Variants in MOG observed in about 807,000 individuals in gnomAD.
The protein encoded by MOG is myelin-oligodendrocyte glycoprotein.
A neutral mutation model predicts 35.9 loss-of-function variants in MOG; 20 were observed. The observed-to-expected ratio is 0.56, with a 90% CI of 0.39 to 0.81. The LOEUF (loss-of-function observed/expected upper bound fraction) is 0.81. MOG is among the 30% of genes least tolerant of loss of function. MOG has a pLI of 0.00. For missense variants in MOG, 251 were observed against 301.0 expected, an observed-to-expected ratio of 0.83 and a Z score of 1.23; for synonymous variants, 92 against 114.3, an observed-to-expected ratio of 0.80 and a Z score of 1.25.
intron 2 of MOG, among the ~76,000 whole-genome samples, chr6:29,664,457 T>C (rs1660401685): frequency 6.6e-6 from 1 of 152,194 alleles, no homozygotes; most frequent in Non-Finnish European, 1.5e-5. Context: ...TCCACCCACC[T>C]TGGCCTCCCA....
Position 29,670,615 on chromosome 6 carries a change from G to C in MOG, c.710-86G>C. ...ATCCCCCAGTGGAAAGGGCAGTGTGGGTCACTCCAAATGTCCATAGGGAGG... is the reference window on the plus strand; with the variant it reads ...ATCCCCCAGTGGAAAGGGCAGTGTGCGTCACTCCAAATGTCCATAGGGAGG... On this transcript the variant is annotated intron_variant, in intron 6 of 7. Coordinates refer to ENST00000376917, the MANE Select transcript of MOG (RefSeq NM_206809.4). The surrounding 1 kb of genome is among the most constrained non-coding windows in gnomAD (Gnocchi z 4.2). The C allele has an allele frequency of 6.3e-7, 1 of 1,591,006 alleles. No individual in the cohort carries two copies. Among genetic ancestry groups the C allele is most frequent in the South Asian group, 1.1e-5 (1 of 89,048 alleles).
chr6:29,667,954 G>C (rs1229997601), intron 5 of MOG, 30 bp downstream of exon 5: 2 of 1,611,854 alleles, frequency 1.2e-6, no homozygotes, highest in African/African-American at 2.7e-5. Flanking sequence ...GGCCCTCCCA[G>C]GTCAACTTGG....
chr6:29,661,375 C>A lies in MOG; in HGVS notation c.436+1709C>A, dbSNP rs1339811529. 3.0e-6 allele frequency: 3 copies of A among 985,204 alleles called. No individual in the cohort carries two copies. The African/African-American group carries it at 5.2e-5, about 17-fold the overall frequency. 61.0% of individuals were successfully genotyped at this position (985,204 alleles called of 1,614,324 possible). ...GCTTTATGTGTCTCAGAATGTTCTT[C>A]ATACAGCTGTTTTTATTGGGGAAAT... On this transcript the variant is annotated intron_variant, in intron 2 of 7. Transcript: ENST00000376917.
intron 5 of MOG, 85 bp downstream of exon 5, chr6:29,668,009 G>C: frequency 7.7e-7 from 1 of 1,303,964 alleles, no homozygotes; most frequent in South Asian, 1.2e-5. Flanking sequence ...AGGACCCCTG[G>C]CTCCTGGTTG....
chr6:29,659,308 GTCT>G lies in MOG; in HGVS notation c.89-9_89-7del. 1.9e-6 allele frequency: 3 copies of G among 1,612,764 alleles called. No individual in the cohort carries two copies. Among genetic ancestry groups the G allele is most frequent in the Non-Finnish European group, 2.5e-6 (3 of 1,179,868 alleles). Reference sequence around the variant, plus strand: ...TGACCTTAAATCTCTTCCTTTTGGTGTCTTGGACAGGGCAGTTCAGAGTGATAG... The same window carrying G: ...TGACCTTAAATCTCTTCCTTTTGGTGTGGACAGGGCAGTTCAGAGTGATAG... On this transcript the variant is annotated splice_polypyrimidine_tract_variant and splice_region_variant and intron_variant, in intron 1 of 7. Coordinates refer to ENST00000376917, the MANE Select transcript of MOG (RefSeq NM_206809.4).
At chr6:29,666,735 T>C (rs1264045863) in intron 3 of MOG, among the ~76,000 whole-genome samples, 3 of 152,198 alleles carry the variant, frequency 2.0e-5, no homozygotes, top group Non-Finnish European at 4.4e-5. Context: ...TGTTTCCTCT[T>C]TCTCCATTCA....
intron 2 of MOG, chr6:29,664,891 G>A: frequency 3.9e-6 from 1 of 258,058 alleles, no homozygotes. Context: ...GATTACAGGG[G>A]AGAGCCACCA....
Position 29,671,862 on chromosome 6 carries a change from A to G in MOG, c.*677A>G, listed in dbSNP as rs1583168907. 3 of 234,794 alleles carry G rather than the reference A, an allele frequency of 1.3e-5. No individual in the cohort carries two copies. The South Asian group carries it at 2.8e-4, about 22-fold the overall frequency. 14.5% of individuals were successfully genotyped at this position (234,794 alleles called of 1,614,324 possible). A position where few individuals can be genotyped will look rare whatever the true frequency, so the allele number is the denominator to read the frequency against. On this transcript the variant is annotated 3_prime_UTR_variant, in exon 8 of 8. Transcript: ENST00000376917. The stretch of plus-strand genomic sequence containing the variant: ...TTTTCCTTCTACTTACACATCTTCC[A>G]CAGGTCTCAGAATCTTTCCTTCCTC...
intron 5 of MOG, among the ~76,000 whole-genome samples, chr6:29,669,920 G>A (rs1283125865): frequency 3.9e-5 from 6 of 151,946 alleles, no homozygotes; most frequent in African/African-American, 1.5e-4. Context: ...ACAGGCATGT[G>A]CCACCACGCC....
chr6:29,669,724 A>G (rs1771041232), intron 5 of MOG, among the ~76,000 whole-genome samples: 1 of 152,206 alleles, frequency 6.6e-6, no homozygotes, highest in Non-Finnish European at 1.5e-5. Context: ...TATTGTGGTT[A>G]GTTGTAAAAT....
At position 29,659,678 on chromosome 6, in the gene MOG, C is replaced by CA; in HGVS notation, c.436+13dup. The CA allele has an allele frequency of 1.2e-6, 2 of 1,603,106 alleles. No homozygotes were observed. Among genetic ancestry groups the CA allele is most frequent in the Non-Finnish European group, 1.7e-6 (2 of 1,171,504 alleles). ...ATTGAAAGTAGAAGGTGAGTAGTGC[C>CA]ATATAATATTAGGTATTAACTGTTG... On this transcript the variant is annotated intron_variant, in intron 2 of 7. Transcript: ENST00000376917.
intron 1 of MOG, among the ~76,000 whole-genome samples, chr6:29,659,044 G>A (rs868039575): frequency 2.0e-5 from 3 of 151,966 alleles, no homozygotes; most frequent in Admixed American, 1.3e-4. Flanking sequence ...CCTGGGAGGC[G>A]GAGGTTGCAG....
chr6:29,664,248 C>A (rs1299557610), intron 2 of MOG, among the ~76,000 whole-genome samples: 1 of 149,362 alleles, frequency 6.7e-6, no homozygotes, highest in African/African-American at 2.5e-5. Flanking sequence ...GCTCTTGTTA[C>A]CCAGGCTGGA....
At position 29,662,921 on chromosome 6, in the gene MOG, C is replaced by T. The variant is rs1769176678; in HGVS notation, c.437-3231C>T. ...CAAGCAATCCTCCCACCTCGGCCTCCCAAAGTGCTAGAATTACAGGCGCGA... is the reference window on the plus strand; with the variant it reads ...CAAGCAATCCTCCCACCTCGGCCTCTCAAAGTGCTAGAATTACAGGCGCGA... On this transcript the variant is annotated intron_variant, in intron 2 of 7. Transcript: ENST00000376917. This position sits in a 1 kb window ranked among gnomAD's most constrained non-coding sequence, Gnocchi z 4.2. 6.6e-6 allele frequency among the ~76,000 whole-genome samples: 1 copy of T among 152,098 alleles called. No individual in the cohort carries two copies. The highest frequency in any genetic ancestry group is 1.5e-5 in the Non-Finnish European group (1 of 68,016).
In MOG at chr6:29,662,475, C is replaced by T. The variant is rs1479539396; in HGVS notation, c.436+2809C>T. ...TCCAGCCTGGGCAACAAGAGCAAAA[C>T]TCTGTCTCAAAAAAAAAAAACCACA... On this transcript the variant is annotated intron_variant, in intron 2 of 7. Coordinates refer to ENST00000376917, the MANE Select transcript of MOG (RefSeq NM_206809.4). This position sits in a 1 kb window ranked among gnomAD's most constrained non-coding sequence, Gnocchi z 4.2. Among the ~76,000 whole-genome samples, 1 of 144,640 alleles carries T rather than the reference C, an allele frequency of 6.9e-6. No individual in the cohort carries two copies. Among genetic ancestry groups the T allele is most frequent in the Non-Finnish European group, 1.5e-5 (1 of 66,488 alleles). The allele number at this position is 144,640 out of a possible 152,430, so 94.9% of individuals were successfully genotyped here.
At chr6:29,658,974 C>T (rs929132784) in intron 1 of MOG, among the ~76,000 whole-genome samples, 6 of 151,774 alleles carry the variant, frequency 4.0e-5, no homozygotes, top group Admixed American at 6.6e-5. Context: ...TAGCTGGATG[C>T]GGCGGTAGGT....
chr6:29,670,214 A>C lies in MOG; in HGVS notation c.593-67A>C. 1 of 1,614,240 alleles carries C rather than the reference A, an allele frequency of 6.2e-7. No homozygotes were observed. The highest frequency in any genetic ancestry group is 1.1e-5 in the South Asian group (1 of 91,084). ...TAGGACCCCAGGTTAAGGAACCAAA[A>C]AAGACAGGTGGGTGGGGCATGAGGG... On this transcript the variant is annotated intron_variant, in intron 5 of 7. Transcript: ENST00000376917. This position sits in a 1 kb window ranked among gnomAD's most constrained non-coding sequence, Gnocchi z 4.2.
chr6:29,664,511 C>T (rs2127517379), intron 2 of MOG: 1 of 359,214 alleles, frequency 2.8e-6, no homozygotes, highest in South Asian at 2.0e-5. Context: ...CCGCTGTAAA[C>T]TACCTTCTTA....
intron 5 of MOG, among the ~76,000 whole-genome samples, chr6:29,668,227 G>A (rs1168756164): frequency 3.3e-5 from 5 of 152,250 alleles, no homozygotes; most frequent in Non-Finnish European, 7.4e-5. Context: ...TAAATAGATC[G>A]TTTACACGTA....
Sources: gnomAD v4.1 joint callset for allele counts (sites outside exome capture counted in the v4.1 genomes callset) on GRCh38, gnomAD v4.1.1 for gene constraint, Gnocchi (gnomAD v3.1) non-coding constraint, MANE v1.5 for transcripts, NCBI Gene and HGNC (gene_info 2026-07-23, HGNC 2026-07-21) for gene names.